Variants in SLC30A5 observed in about 807,000 individuals in gnomAD.
The protein encoded by SLC30A5 is solute carrier family 30 member 5.
A neutral mutation model predicts 79.6 loss-of-function variants in SLC30A5; 33 were observed. The observed-to-expected ratio is 0.41, with a 90% CI of 0.31 to 0.55. SLC30A5 has a LOEUF of 0.55. Among genes scored for constraint, SLC30A5 ranks in the 20% least tolerant of loss-of-function variants. The pLI, the probability that SLC30A5 is intolerant of heterozygous loss-of-function variation, is 0.20. For synonymous variants in SLC30A5, 299 were observed against 319.7 expected (o/e 0.94, Z 0.69); for missense variants, 788 against 928.1 (o/e 0.85, Z 1.96).
chr5:69,108,222 C>G (rs1746138578), intron 4 of SLC30A5, 127 bp from the exon 5 acceptor site: 1 of 698,928 alleles, frequency 1.4e-6, no homozygotes, highest in Non-Finnish European at 2.4e-6. Flanking sequence ...GCAGTTGTAC[C>G]TATTTATTTT....
intron 2 of SLC30A5, among the ~76,000 whole-genome samples, chr5:69,102,163 G>T (rs1032565388): frequency 2.8e-5 from 4 of 143,092 alleles, no homozygotes; most frequent in Non-Finnish European, 6.0e-5. Context: ...AAGCAATTCT[G>T]TCTCAGCCTC....
intron 4 of SLC30A5, among the ~76,000 whole-genome samples, chr5:69,106,915 G>C (rs1342372963): frequency 6.7e-6 from 1 of 150,226 alleles, no homozygotes; most frequent in African/African-American, 2.5e-5. Context: ...ATTCAGACTA[G>C]AGTATATGGC....
At chr5:69,115,135 GAAA>G (rs60614154) in intron 7 of SLC30A5, 99 bp from the exon 8 acceptor site, 6,454 of 536,474 alleles carry the variant, frequency 0.012, 108 homozygotes, top group African/African-American at 0.078. Context: ...TGTCTCTGGG[GAAA>G]AAAAAAAAAA....
At chr5:69,120,825 T>C (rs1306866422) in intron 12 of SLC30A5, among the ~76,000 whole-genome samples, 1 of 152,232 alleles carries the variant, frequency 6.6e-6, no homozygotes, top group Non-Finnish European at 1.5e-5. Context: ...ATTTTCCTTT[T>C]ATAAAACAAA....
intron 14 of SLC30A5, among the ~76,000 whole-genome samples, chr5:69,124,390 C>T (rs1475316792): frequency 6.6e-6 from 1 of 151,928 alleles, no homozygotes; most frequent in African/African-American, 2.4e-5. Context: ...CAGTATATAG[C>T]AAAGATGGTA....
intron 5 of SLC30A5, among the ~76,000 whole-genome samples, chr5:69,112,222 G>C (rs1173067332): frequency 6.6e-6 from 1 of 151,852 alleles, no homozygotes; most frequent in Non-Finnish European, 1.5e-5. Flanking sequence ...ACTTGAACCC[G>C]GGAGATGGAG....
rs372018406 is a variant in SLC30A5, at chr5:69,129,537, A to G, written c.2218A>G (p.Thr740Ala). 1.7e-5 allele frequency: 28 copies of G among 1,613,590 alleles called. No homozygotes were observed. The highest frequency in any genetic ancestry group is 2.5e-6 in the Non-Finnish European group (3 of 1,179,824). Residue 740 changes from threonine (T) to alanine (A), a missense_variant, in exon 16 of 16, where the codon ACT (threonine) becomes GCT (alanine). Physicochemically the swap from Thr to Ala is moderately conservative, Grantham distance 58. Around this residue, in one of 3 missense-constraint regions of SLC30A5, gnomAD observed 158 missense variants for 156.2 expected, o/e 1.01. Coordinates refer to ENST00000396591, the MANE Select transcript of SLC30A5 (RefSeq NM_022902.5). ...AYFQHMSGLSTGFHDVLAMTK... is the reference protein window; with the variant it reads ...AYFQHMSGLSAGFHDVLAMTK... ...CTTTCAACATATGTCTGGCCTAAGTACTGGATTTCATGATGTTCTGGCTAT... is the reference window on the plus strand; with the variant it reads ...CTTTCAACATATGTCTGGCCTAAGTGCTGGATTTCATGATGTTCTGGCTAT...
At chr5:69,106,046 A>G (rs1276370565) in intron 4 of SLC30A5, among the ~76,000 whole-genome samples, 1 of 152,238 alleles carries the variant, frequency 6.6e-6, no homozygotes, top group Non-Finnish European at 1.5e-5. Flanking sequence ...CACTCAGAAT[A>G]GTGGGGTAGA....
chr5:69,118,571 T>C lies in SLC30A5; in HGVS notation c.1512T>C (p.Phe504=), dbSNP rs765237464. 6.2e-7 allele frequency: 1 copy of C among 1,604,792 alleles called. No homozygotes were observed. The highest frequency in any genetic ancestry group is 1.1e-5 in the South Asian group (1 of 89,612). Residue 504 remains phenylalanine, a synonymous_variant, in exon 12 of 16, where the codon TTT becomes TTC. Coordinates refer to ENST00000396591, the MANE Select transcript of SLC30A5 (RefSeq NM_022902.5). ...TAATAGTAATAGCGTTTTTTGTGTT[T>C]ATGGAGTCAGTGGCTAGATTGATTG... is the stretch of plus-strand genomic sequence containing the variant. ...LFLIVIAFFV[F]MESVARLIDP...
chr5:69,124,968 G>A (rs1041440688), intron 14 of SLC30A5, among the ~76,000 whole-genome samples: 1 of 152,202 alleles, frequency 6.6e-6, no homozygotes, highest in Admixed American at 6.5e-5. Flanking sequence ...AATTTGACCA[G>A]TTGAAAATTG....
intron 3 of SLC30A5, 114 bp downstream of exon 3, chr5:69,103,242 C>A: frequency 3.3e-6 from 2 of 600,424 alleles, no homozygotes; most frequent in African/African-American, 1.9e-5. Context: ...TGCCACAGAA[C>A]AATTTTAGAG....
chr5:69,120,017 CA>C (rs35168466), intron 12 of SLC30A5, among the ~76,000 whole-genome samples: 193 of 64,208 alleles, frequency 3.0e-3, no homozygotes, highest in African/African-American at 1.0e-2. Flanking sequence ...GACTCTGCCT[CA>C]AAAAAAAAAA....
At chr5:69,124,592 T>G (rs2111998877) in intron 14 of SLC30A5, among the ~76,000 whole-genome samples, 1 of 152,324 alleles carries the variant, frequency 6.6e-6, no homozygotes, top group East Asian at 1.9e-4. Context: ...GTTTGTTTGT[T>G]TTTTGAGACA....
intron 14 of SLC30A5, 130 bp from the exon 15 acceptor site, chr5:69,127,874 G>T (rs1580190887): frequency 1.2e-5 from 8 of 678,984 alleles, no homozygotes; most frequent in South Asian, 6.6e-5. Context: ...GTTTTGTTTT[G>T]TATTTTAAAG....
chr5:69,109,838 C>T (rs550873868), intron 5 of SLC30A5, among the ~76,000 whole-genome samples: 2 of 152,250 alleles, frequency 1.3e-5, no homozygotes, highest in African/African-American at 2.4e-5. Context: ...GGCTGAACAA[C>T]AAATGCACTC....
chr5:69,115,164 A>ATAT, intron 7 of SLC30A5, 73 bp from the exon 8 acceptor site: 1 of 818,304 alleles, frequency 1.2e-6, no homozygotes, highest in Non-Finnish European at 1.8e-6. Flanking sequence ...AAAAAAAAAA[A>ATAT]AGATCATGTA....
chr5:69,123,563 T>A, intron 14 of SLC30A5, 138 bp downstream of exon 14: 1 of 650,712 alleles, frequency 1.5e-6, no homozygotes. Flanking sequence ...GCATTTAAAA[T>A]TTAATAAGTT....
In SLC30A5 at chr5:69,128,124, G is replaced by A. The variant is rs2112008677; in HGVS notation, c.2119G>A (p.Val707Ile). The A allele has an allele frequency of 6.2e-7, 1 of 1,603,000 alleles. No individual in the cohort carries two copies. ...ATCTGATGTGCTAGAACAAAGAATA[G>A]TACAGCAGGTAATCTTTTGTTTTTA... ...VTSDVLEQRIVQQVTGILKDA... is the reference protein window; with the variant it reads ...VTSDVLEQRIIQQVTGILKDA... Residue 707 changes from valine (V) to isoleucine (I), a missense_variant, in exon 15 of 16, where the codon GTA (valine) becomes ATA (isoleucine). This residue lies in a region of SLC30A5 where 158 missense variants were observed against 156.2 expected (regional missense o/e 1.01). Coordinates refer to ENST00000396591, the MANE Select transcript of SLC30A5 (RefSeq NM_022902.5).
At chr5:69,110,294 A>G (rs1746198240) in intron 5 of SLC30A5, among the ~76,000 whole-genome samples, 2 of 152,156 alleles carry the variant, frequency 1.3e-5, no homozygotes, top group African/African-American at 4.8e-5. Context: ...CTTCCTGTGC[A>G]TGGTGCATTT....
Sources: gnomAD v4.1 joint callset for allele counts (sites outside exome capture counted in the v4.1 genomes callset) on GRCh38, gnomAD v4.1.1 for gene constraint, gnomAD v4.1.1 regional missense constraint, MANE v1.5 for transcripts, NCBI Gene and HGNC (gene_info 2026-07-23, HGNC 2026-07-21) for gene names.